ASCC1: variants seen among roughly 807,000 people sequenced by gnomAD.
ASCC1 encodes the protein activating signal cointegrator 1 complex subunit 1, also known as ASC-1 complex subunit P50.
A neutral mutation model predicts 46.6 loss-of-function variants in ASCC1; 35 were observed. The ratio of observed to expected loss-of-function variants is 0.75; its 90% CI spans 0.57 to 0.99. The LOEUF (loss-of-function observed/expected upper bound fraction) is 0.99. Among genes scored for constraint, ASCC1 ranks in the 50% least tolerant of loss-of-function variants. ASCC1 has a pLI of 0.00. For missense variants in ASCC1, 376 were observed against 428.7 expected (o/e 0.88, Z 1.09); for synonymous variants, 143 against 146.6 (o/e 0.98, Z 0.18).
At chr10:72,181,145 T>C (rs1852551904) in intron 5 of ASCC1, among the ~76,000 whole-genome samples, 1 of 152,148 alleles carries the variant, frequency 6.6e-6, no homozygotes, top group Admixed American at 6.5e-5. Context: ...TTTGTATTTT[T>C]AGTGGAGACA....
At chr10:72,122,854 T>G (rs1436758610) in intron 9 of ASCC1, among the ~76,000 whole-genome samples, 3 of 151,936 alleles carry the variant, frequency 2.0e-5, no homozygotes, top group African/African-American at 2.4e-5. Context: ...TAAATGAAAA[T>G]GAAGATACAA....
At chr10:72,111,291 C>T (rs1005127560) in intron 9 of ASCC1, among the ~76,000 whole-genome samples, 1 of 152,094 alleles carries the variant, frequency 6.6e-6, no homozygotes, top group African/African-American at 2.4e-5. Flanking sequence ...AGTTCAAGAC[C>T]AGCCTGGGCA....
At chr10:72,164,844 T>C (rs985596244) in intron 5 of ASCC1, among the ~76,000 whole-genome samples, 1 of 152,218 alleles carries the variant, frequency 6.6e-6, no homozygotes, top group African/African-American at 2.4e-5. Flanking sequence ...TGGTATTACA[T>C]TGTGGTTTTG....
Position 72,128,130 on chromosome 10 carries a change from T to C in ASCC1, c.909A>G (p.Lys303=), listed in dbSNP as rs1290543481. The C allele has an allele frequency of 1.2e-6, 2 of 1,613,934 alleles. No homozygotes were observed. The highest frequency in any genetic ancestry group is 1.7e-5 in the Admixed American group (1 of 60,010). The change falls in exon 9 of 10, where the codon AAA becomes AAG. Residue 303 remains lysine, a synonymous_variant. Transcript: ENST00000672957. Reference sequence around the variant, plus strand: ...ATGATTCTCTTTCCTTGAAGATATATTTGCCTTCCGCTGTGTAGAGATTGT... The same window carrying C: ...ATGATTCTCTTTCCTTGAAGATATACTTGCCTTCCGCTGTGTAGAGATTGT... ...GRYNLYTAEG[K]YIFKERESFD...
At chr10:72,108,076 CTTTTTTT>C (rs375287948) in intron 9 of ASCC1, among the ~76,000 whole-genome samples, 12 of 128,354 alleles carry the variant, frequency 9.3e-5, no homozygotes, top group South Asian at 2.5e-4. Flanking sequence ...TTTTCTTTTT[CTTTTTTT>C]TTTTTTTTTT....
intron 8 of ASCC1, 103 bp from the exon 9 acceptor site, chr10:72,128,270 T>C (rs941040904): frequency 2.2e-6 from 2 of 926,608 alleles, no homozygotes; most frequent in Admixed American, 3.5e-5. Flanking sequence ...TTTCATGAAC[T>C]ACCTGGAAAG....
Position 72,208,785 on chromosome 10 carries a change from TTGTGTG to T in ASCC1, c.212+1941_212+1946del, listed in dbSNP as rs879575195. Among the ~76,000 whole-genome samples, 3 of 147,978 alleles carry T rather than the reference TTGTGTG, an allele frequency of 2.0e-5. No individual in the cohort carries two copies. In the South Asian group the frequency reaches 6.4e-4, roughly 32 times the overall value. On this transcript the variant is annotated intron_variant, in intron 3 of 9. Transcript: ENST00000672957. ...AAAAAAAATGTGTGTGTGTGTGTGT[TTGTGTG>T]TGTGTGTGTGTAGAGACCAATAAGC...
At chr10:72,167,447 A>G (rs1803794660) in intron 5 of ASCC1, among the ~76,000 whole-genome samples, 1 of 152,190 alleles carries the variant, frequency 6.6e-6, no homozygotes. Context: ...GCCTGTGGTG[A>G]GGAGTGGGGC....
intron 5 of ASCC1, among the ~76,000 whole-genome samples, chr10:72,192,699 G>A (rs1249622817): frequency 6.6e-6 from 1 of 152,070 alleles, no homozygotes; most frequent in Non-Finnish European, 1.5e-5. Context: ...TCACCCTGTT[G>A]GCAAGGCTCG....
At chr10:72,211,192 G>A (rs1858048351) in intron 2 of ASCC1, among the ~76,000 whole-genome samples, 1 of 152,206 alleles carries the variant, frequency 6.6e-6, no homozygotes, top group African/African-American at 2.4e-5. Context: ...ATATGAGACA[G>A]AGAGACCACA....
intron 8 of ASCC1, 85 bp downstream of exon 8, chr10:72,132,972 C>A: frequency 2.5e-6 from 4 of 1,572,814 alleles, no homozygotes; most frequent in Non-Finnish European, 3.5e-6. Flanking sequence ...ATCAGAGATT[C>A]TTTGATAGCT....
intron 9 of ASCC1, among the ~76,000 whole-genome samples, chr10:72,115,249 CA>C (rs1192574235): frequency 1.3e-5 from 2 of 152,038 alleles, no homozygotes; most frequent in African/African-American, 4.8e-5. Flanking sequence ...AAAACAGTTC[CA>C]AAAAAGTTTC....
At chr10:72,118,980 C>A (rs957920690) in intron 9 of ASCC1, among the ~76,000 whole-genome samples, 4 of 152,122 alleles carry the variant, frequency 2.6e-5, no homozygotes, top group South Asian at 2.1e-4. Flanking sequence ...CTTCATAGGT[C>A]TGTCAGAAGA....
At chr10:72,213,930 C>G (rs1408886244) in intron 1 of ASCC1, among the ~76,000 whole-genome samples, 1 of 151,818 alleles carries the variant, frequency 6.6e-6, no homozygotes, top group Non-Finnish European at 1.5e-5. Context: ...CCCAGCTACT[C>G]GGGAGGCTGA....
rs1325356363 is a variant in ASCC1, at chr10:72,152,877, G to A, written c.738C>T (p.Gly246=). 6 of 1,614,136 alleles carry A rather than the reference G, an allele frequency of 3.7e-6. No homozygotes were observed. The highest frequency in any genetic ancestry group is 2.2e-5 in the East Asian group (1 of 44,864). Residue 246 remains glycine (G), a synonymous_variant, in exon 7 of 10, where the codon GGC becomes GGT. Transcript: ENST00000672957. ...GCATTCCAGAAATATACCTGTTGGA[G>A]CCATCTTTCATATGGACTTTGGCGT... The part of the protein sequence containing the change: ...VLYAKVHMKD[G]SNRLQELVDR...
chr10:72,210,276 C>G (rs1857879012), intron 3 of ASCC1, among the ~76,000 whole-genome samples: 1 of 149,212 alleles, frequency 6.7e-6, no homozygotes, highest in Admixed American at 6.6e-5. Context: ...TCTCCTGCCT[C>G]AGCCTCCCAA....
intron 9 of ASCC1, among the ~76,000 whole-genome samples, chr10:72,109,256 T>G (rs1842669667): frequency 6.6e-6 from 1 of 152,184 alleles, no homozygotes; most frequent in African/African-American, 2.4e-5. Flanking sequence ...AAAAAGGCTG[T>G]TAAGTCAGTA....
intron 5 of ASCC1, among the ~76,000 whole-genome samples, chr10:72,162,699 T>C (rs559922048): frequency 2.2e-4 from 34 of 152,148 alleles, no homozygotes; most frequent in African/African-American, 7.2e-4. Context: ...TCCCAACATT[T>C]TGGGAGGCTG....
chr10:72,137,214 C>A (rs2132352995), intron 7 of ASCC1, among the ~76,000 whole-genome samples: 1 of 151,988 alleles, frequency 6.6e-6, no homozygotes, highest in African/African-American at 2.4e-5. Flanking sequence ...CCATGCCAGG[C>A]CATCAATGAC....
Sources: gnomAD v4.1 joint callset for allele counts (sites outside exome capture counted in the v4.1 genomes callset) on GRCh38, gnomAD v4.1.1 for gene constraint, MANE v1.5 for transcripts, NCBI Gene and HGNC (gene_info 2026-07-23, HGNC 2026-07-21) for gene names.